Variants in CNTN6 observed in about 807,000 individuals in gnomAD.
The protein encoded by CNTN6 is contactin 6, also known as contactin-6.
Under a neutral mutation model 122.8 loss-of-function variants are expected in CNTN6, and 137 were observed. The ratio of observed to expected loss-of-function variants is 1.12; its 90% confidence interval spans 0.97 to 1.29. The LOEUF is 1.29. Ranked by LOEUF, CNTN6 falls within the 50% of genes most tolerant of loss-of-function variation. The pLI, the probability that CNTN6 is intolerant of heterozygous loss-of-function variation, is 0.00. For missense variants in CNTN6, 1,634 were observed against 1,223.4 expected (o/e 1.34, Z -5.01); for synonymous variants, 570 against 426.0 (o/e 1.34, Z -4.16).
intron 1 of CNTN6, among the ~76,000 whole-genome samples, chr3:1,144,660 GACAAAA>G (rs946199084): frequency 2.2e-5 from 3 of 136,852 alleles, no homozygotes; most frequent in African/African-American, 7.7e-5. Flanking sequence ...GGTAGAAGGA[GACAAAA>G]ACAAAATACA....
At chr3:1,181,229 A>G (rs2093548651) in intron 2 of CNTN6, among the ~76,000 whole-genome samples, 1 of 152,114 alleles carries the variant, frequency 6.6e-6, no homozygotes, top group African/African-American at 2.4e-5. Context: ...ATTGAAGGTG[A>G]CCTGATTTTC....
chr3:1,259,219 A>G (rs1044881744), intron 4 of CNTN6, among the ~76,000 whole-genome samples: 3 of 152,122 alleles, frequency 2.0e-5, no homozygotes, highest in African/African-American at 7.2e-5. Flanking sequence ...AAGTGTGGGT[A>G]CTATTTATAA....
Position 1,327,561 on chromosome 3 carries a change from T to C in CNTN6, c.1188T>C (p.Tyr396=). 5 of 1,610,456 alleles carry C rather than the reference T, an allele frequency of 3.1e-6. No individual in the cohort carries two copies. Among genetic ancestry groups the C allele is most frequent in the Non-Finnish European group, 4.2e-6 (5 of 1,177,900 alleles). The change falls in exon 10 of 23, where the codon TAT becomes TAC. Residue 396 remains tyrosine, a synonymous_variant. Coordinates refer to ENST00000446702, the MANE Select transcript of CNTN6 (RefSeq NM_001289080.2). ...CAGAAAACAAATATCAGATAATTTA[T>C]GCAAATGCTGAATTGAGAGTTTTAG... is the stretch of plus-strand genomic sequence containing the variant. ...CAAENKYQII[Y]ANAELRVLAS...
At chr3:1,399,930 T>C (rs1465369297) in intron 20 of CNTN6, among the ~76,000 whole-genome samples, 2 of 152,216 alleles carry the variant, frequency 1.3e-5, no homozygotes, top group South Asian at 2.1e-4. Context: ...AACATTTCTC[T>C]ATCACATCCC....
At chr3:1,350,288 T>A (rs1705426367) in intron 11 of CNTN6, among the ~76,000 whole-genome samples, 1 of 151,778 alleles carries the variant, frequency 6.6e-6, no homozygotes, top group Admixed American at 6.6e-5. Flanking sequence ...GGGCATCTAG[T>A]GATGACTCTG....
chr3:1,318,791 TAGGTACTTTC>T (rs1339148327), intron 7 of CNTN6, among the ~76,000 whole-genome samples: 2 of 151,764 alleles, frequency 1.3e-5, no homozygotes, highest in African/African-American at 4.8e-5. Flanking sequence ...TGTAAATTCC[TAGGTACTTTC>T]AGTTCTCTCT....
intron 20 of CNTN6, among the ~76,000 whole-genome samples, chr3:1,396,668 A>G (rs1220389090): frequency 6.6e-6 from 1 of 152,186 alleles, no homozygotes; most frequent in African/African-American, 2.4e-5. Context: ...GAGGCAATTT[A>G]CTTTCTTTGC....
chr3:1,241,463 C>T (rs1270413623), intron 4 of CNTN6, among the ~76,000 whole-genome samples: 4 of 151,688 alleles, frequency 2.6e-5, no homozygotes, highest in African/African-American at 4.9e-5. Flanking sequence ...AAACATTTGT[C>T]GTATAGAATG....
intron 1 of CNTN6, among the ~76,000 whole-genome samples, chr3:1,094,797 A>G (rs995156119): frequency 2.6e-5 from 4 of 152,062 alleles, no homozygotes; most frequent in Non-Finnish European, 4.4e-5. Flanking sequence ...GCTCAGTAGT[A>G]TAATAGTAAA....
intron 1 of CNTN6, among the ~76,000 whole-genome samples, chr3:1,119,054 A>G (rs990669029): frequency 6.6e-6 from 1 of 152,248 alleles, no homozygotes; most frequent in East Asian, 1.9e-4. Context: ...TAGGGAAGGA[A>G]TTTGAAAAGA....
At chr3:1,179,680 A>C (rs1195248008) in intron 2 of CNTN6, among the ~76,000 whole-genome samples, 2 of 152,070 alleles carry the variant, frequency 1.3e-5, no homozygotes, top group Non-Finnish European at 2.9e-5. Context: ...TACAAGCAGG[A>C]CTTCTTGTCT....
chr3:1,300,889 G>A (rs889596574), intron 7 of CNTN6, among the ~76,000 whole-genome samples: 2 of 151,870 alleles, frequency 1.3e-5, no homozygotes, highest in African/African-American at 4.8e-5. Context: ...TGAAGCTTGG[G>A]ATATATGAGG....
chr3:1,287,791 C>G (rs1694600525), intron 5 of CNTN6, among the ~76,000 whole-genome samples: 1 of 152,172 alleles, frequency 6.6e-6, no homozygotes, highest in South Asian at 2.1e-4. Flanking sequence ...AATGCCATGG[C>G]AACTTCTAGA....
At chr3:1,245,890 T>C (rs2094576478) in intron 4 of CNTN6, among the ~76,000 whole-genome samples, 1 of 151,638 alleles carries the variant, frequency 6.6e-6, no homozygotes. Flanking sequence ...ACATATAAAA[T>C]ACACAAATTT....
chr3:1,341,014 C>T (rs1703803053), intron 11 of CNTN6, among the ~76,000 whole-genome samples: 3 of 152,090 alleles, frequency 2.0e-5, no homozygotes, highest in African/African-American at 7.2e-5. Context: ...ATTTATAAAA[C>T]TTCAAAGCCC....
In CNTN6 at chr3:1,402,364, C is replaced by T; in HGVS notation, c.2864C>T (p.Thr955Ile). Residue 955 changes from threonine to isoleucine, a missense_variant, in exon 22 of 23, where the codon ACA becomes ATA. Coordinates refer to ENST00000446702, the MANE Select transcript of CNTN6 (RefSeq NM_001289080.2). ...NRQSKTHILE[T>I]NNTSAELLVP... ...CAGAGTAAAACTCATATTTTGGAAACAAACAATACATCAGCTGAGCTTCTG... is the reference window on the plus strand; with the variant it reads ...CAGAGTAAAACTCATATTTTGGAAATAAACAATACATCAGCTGAGCTTCTG... The T allele has an allele frequency of 5.6e-6, 9 of 1,611,674 alleles. No homozygotes were observed. The highest frequency in any genetic ancestry group is 7.6e-6 in the Non-Finnish European group (9 of 1,178,778).
intron 19 of CNTN6, among the ~76,000 whole-genome samples, chr3:1,385,372 T>TA (rs1189172777): frequency 1.3e-5 from 2 of 152,212 alleles, no homozygotes; most frequent in Non-Finnish European, 2.9e-5. Context: ...TTTGGTAATC[T>TA]AAAAAATCAC....
At chr3:1,391,217 G>A (rs1694091250) in intron 20 of CNTN6, among the ~76,000 whole-genome samples, 1 of 105,836 alleles carries the variant, frequency 9.4e-6, no homozygotes, top group Non-Finnish European at 1.9e-5. Flanking sequence ...TGATCAAGTG[G>A]GCTTCATCCC....
At position 1,227,808 on chromosome 3, in the gene CNTN6, T is replaced by C. The variant is rs2094303508; in HGVS notation, c.183-10T>C. On this transcript the variant is annotated splice_polypyrimidine_tract_variant and intron_variant, in intron 3 of 22. Coordinates refer to ENST00000446702, the MANE Select transcript of CNTN6 (RefSeq NM_001289080.2). ...ATATTATAAGCACTTTATTTTTTTTTTCCTTGAAGGTGGAAGCAAAATGGC... is the reference window on the plus strand; with the variant it reads ...ATATTATAAGCACTTTATTTTTTTTCTCCTTGAAGGTGGAAGCAAAATGGC... 1.2e-6 allele frequency: 2 copies of C among 1,612,564 alleles called. No homozygotes were observed. Among genetic ancestry groups the C allele is most frequent in the Non-Finnish European group, 1.7e-6 (2 of 1,179,488 alleles).
Sources: gnomAD v4.1 joint callset for allele counts (sites outside exome capture counted in the v4.1 genomes callset) on GRCh38, gnomAD v4.1.1 for gene constraint, MANE v1.5 for transcripts, NCBI Gene and HGNC (gene_info 2026-07-23, HGNC 2026-07-21) for gene names.